The following ADGRF5 variants were observed in gnomAD, a reference collection of about 807,000 sequenced individuals.
ADGRF5 encodes G-protein coupled receptor 116.
A neutral mutation model predicts 132.3 loss-of-function variants in ADGRF5; 75 were observed. That is an observed-to-expected ratio of 0.57 (90% CI 0.47 to 0.69). ADGRF5 has a LOEUF of 0.69. Among genes scored for constraint, ADGRF5 ranks in the 30% least tolerant of loss-of-function variants. The pLI is 0.00. For missense variants in ADGRF5, 1,516 were observed against 1,630.6 expected (o/e 0.93, Z 1.21); for synonymous variants, 629 against 597.6 (o/e 1.05, Z -0.77).
upstream of ADGRF5, among the ~76,000 whole-genome samples, chr6:46,923,381 C>T (rs143978180): frequency 2.3e-3 from 348 of 152,356 alleles, 1 homozygote; most frequent in African/African-American, 7.9e-3. Context: ...TCCCCTCCAG[C>T]TGCCTTCCCT....
intron 4 of ADGRF5, among the ~76,000 whole-genome samples, chr6:46,887,333 T>C (rs1481985663): frequency 6.6e-6 from 1 of 152,218 alleles, no homozygotes; most frequent in Non-Finnish European, 1.5e-5. Flanking sequence ...GTGTTTCTTA[T>C]GTATTTTCCA....
At chr6:46,878,127 T>C in intron 10 of ADGRF5, 75 bp downstream of exon 10, 1 of 921,708 alleles carries the variant, frequency 1.1e-6, no homozygotes, top group Non-Finnish European at 1.8e-6. Flanking sequence ...TCCCCTTCCA[T>C]ACGCCACATC....
chr6:46,937,065 T>TACA (rs1777871656), intron 1 of ADGRF5, among the ~76,000 whole-genome samples: 3 of 152,236 alleles, frequency 2.0e-5, no homozygotes, highest in Admixed American at 2.0e-4. Flanking sequence ...TTGACTTAAC[T>TACA]GTTCTTACCT....
chr6:46,868,859 T>C (rs1272712473), intron 12 of ADGRF5, 24 bp downstream of exon 12: 2 of 1,464,828 alleles, frequency 1.4e-6, no homozygotes, highest in Non-Finnish European at 1.9e-6. Context: ...GGCAGCACAA[T>C]ACGGTGTCCG....
chr6:46,877,378 T>TTTCTTTCTTTCTTTC (rs1562176060), intron 10 of ADGRF5, among the ~76,000 whole-genome samples: 2 of 51,482 alleles, frequency 3.9e-5, no homozygotes, highest in African/African-American at 1.1e-4. Context: ...TCTTTCTTTC[T>TTTCTTTCTTTCTTTC]TTCTTTCTTC....
At chr6:46,862,702 G>GTTT (rs1562148328) in intron 15 of ADGRF5, among the ~76,000 whole-genome samples, 186 bp downstream of exon 15, 1 of 34,386 alleles carries the variant, frequency 2.9e-5, no homozygotes, top group African/African-American at 1.1e-4. Context: ...TTGAATTGAG[G>GTTT]CTTTTTTTTT....
At chr6:46,879,498 C>T (rs1772206496) in intron 9 of ADGRF5, among the ~76,000 whole-genome samples, 1 of 152,120 alleles carries the variant, frequency 6.6e-6, no homozygotes, top group South Asian at 2.1e-4. Flanking sequence ...TCTCCTGCTG[C>T]CATGCAAGAC....
intron 1 of ADGRF5, among the ~76,000 whole-genome samples, chr6:46,930,390 T>C (rs1358121269): frequency 6.6e-6 from 1 of 152,216 alleles, no homozygotes; most frequent in Non-Finnish European, 1.5e-5. Context: ...CAGGTATCTT[T>C]GAAATGTTTA....
intron 3 of ADGRF5, among the ~76,000 whole-genome samples, chr6:46,893,400 A>T (rs927266732): frequency 6.6e-6 from 1 of 152,120 alleles, no homozygotes; most frequent in Non-Finnish European, 1.5e-5. Flanking sequence ...AGGTGACAGG[A>T]TCAGCACCTA....
At chr6:46,941,829 TGCTTCATTATCAGG>T (rs1308535362) in intron 1 of ADGRF5, among the ~76,000 whole-genome samples, 7 of 152,226 alleles carry the variant, frequency 4.6e-5, no homozygotes, top group Non-Finnish European at 1.0e-4. Context: ...TCAGCCGAGA[TGCTTCATTATCAGG>T]GCTTCTGCCT....
At chr6:46,951,616 A>G (rs1338882338) in intron 1 of ADGRF5, among the ~76,000 whole-genome samples, 2 of 152,214 alleles carry the variant, frequency 1.3e-5, no homozygotes, top group Non-Finnish European at 2.9e-5. Context: ...CTATATGTCT[A>G]CGTGCTTCTA....
chr6:46,943,318 T>C (rs1778169470), intron 1 of ADGRF5, among the ~76,000 whole-genome samples: 1 of 152,184 alleles, frequency 6.6e-6, no homozygotes, highest in African/African-American at 2.4e-5. Flanking sequence ...TGGTTACAGA[T>C]TTTTATTTTT....
chr6:46,952,004 G>A (rs1733142132), intron 1 of ADGRF5, among the ~76,000 whole-genome samples: 1 of 152,306 alleles, frequency 6.6e-6, no homozygotes, highest in East Asian at 1.9e-4. Context: ...TGTGGATATG[G>A]TCTTCTCTTT....
intron 13 of ADGRF5, among the ~76,000 whole-genome samples, chr6:46,865,789 G>GT (rs1165228010): frequency 6.6e-6 from 1 of 152,040 alleles, no homozygotes; most frequent in African/African-American, 2.4e-5. Flanking sequence ...AACTTCTACT[G>GT]TTTTTTTAGT....
chr6:46,874,060 A>C (rs1771376909), intron 10 of ADGRF5, among the ~76,000 whole-genome samples: 1 of 152,214 alleles, frequency 6.6e-6, no homozygotes, highest in South Asian at 2.1e-4. Context: ...CCTGCAATCT[A>C]TTGGCTATCA....
intron 10 of ADGRF5, among the ~76,000 whole-genome samples, chr6:46,876,948 G>A (rs1420684385): frequency 1.3e-5 from 2 of 152,170 alleles, no homozygotes; most frequent in African/African-American, 2.4e-5. Context: ...CATAGCTAAG[G>A]CTTTGTAAAA....
At chr6:46,945,231 C>T (rs1313944977) in intron 1 of ADGRF5, among the ~76,000 whole-genome samples, 2 of 152,112 alleles carry the variant, frequency 1.3e-5, no homozygotes, top group Non-Finnish European at 2.9e-5. Flanking sequence ...CTTTAAAACT[C>T]ATATAGGAAG....
At chr6:46,951,146 A>T (rs1685017881) in intron 1 of ADGRF5, among the ~76,000 whole-genome samples, 2 of 152,226 alleles carry the variant, frequency 1.3e-5, no homozygotes, top group African/African-American at 4.8e-5. Context: ...GGTGAACTTG[A>T]GTGGGTAAGA....
chr6:46,877,284 T>TTTC (rs1491539398), intron 10 of ADGRF5, among the ~76,000 whole-genome samples: 2 of 46,880 alleles, frequency 4.3e-5, no homozygotes. Flanking sequence ...TCTTTCTTTC[T>TTTC]TTCTTTCTCT....
Sources: gnomAD v4.1 joint callset for allele counts (sites outside exome capture counted in the v4.1 genomes callset) on GRCh38, gnomAD v4.1.1 for gene constraint, MANE v1.5 for transcripts, NCBI Gene and HGNC (gene_info 2026-07-23, HGNC 2026-07-21) for gene names.